CRB1: variants seen among roughly 807,000 people sequenced by gnomAD.
The protein encoded by CRB1 is crumbs cell polarity complex component 1.
A neutral mutation model predicts 120.0 loss-of-function variants in CRB1; 83 were observed. The ratio of observed to expected loss-of-function variants is 0.69; its 90% CI spans 0.58 to 0.83. The LOEUF is 0.83. Ranked by LOEUF, CRB1 falls within the 40% of genes least tolerant of loss-of-function variation. The probability of loss-of-function intolerance (pLI) is 0.00; values close to 1 mark genes in which losing one functional copy is unlikely to be tolerated. For missense variants in CRB1, 1,699 were observed against 1,687.6 expected, an observed-to-expected ratio of 1.01 and a Z score of -0.12; for synonymous variants, 625 against 612.5, an observed-to-expected ratio of 1.02 and a Z score of -0.30.
intron 1 of CRB1, among the ~76,000 whole-genome samples, chr1:197,305,901 T>A (rs1200910818): frequency 8.6e-6 from 1 of 116,450 alleles, no homozygotes; most frequent in South Asian, 3.0e-4. Flanking sequence ...TGAGATCTAA[T>A]TGAAAAAAAA....
intron 5 of CRB1, among the ~76,000 whole-genome samples, chr1:197,415,262 T>G (rs958848409): frequency 5.9e-5 from 9 of 152,212 alleles, no homozygotes; most frequent in African/African-American, 1.9e-4. Flanking sequence ...TGTCAATAGT[T>G]TTAATAGCTG....
the CRB1 span, among the ~76,000 whole-genome samples, chr1:197,248,656 T>C: frequency 6.6e-6 from 1 of 151,986 alleles, no homozygotes; most frequent in Non-Finnish European, 1.5e-5. Context: ...TTAAAATAAA[T>C]GGACAATGAA....
chr1:197,257,097 A>T, the CRB1 span, among the ~76,000 whole-genome samples: 1 of 151,986 alleles, frequency 6.6e-6, no homozygotes. Flanking sequence ...GGAGCTAATG[A>T]TGTAACTCTC....
chr1:197,409,347 G>C (rs561276035), intron 5 of CRB1, among the ~76,000 whole-genome samples: 15 of 152,140 alleles, frequency 9.9e-5, no homozygotes, highest in Admixed American at 2.6e-4. Context: ...TATAATTCTT[G>C]TGGGAAAAAT....
intron 1 of CRB1, among the ~76,000 whole-genome samples, chr1:197,321,911 T>G (rs577933799): frequency 1.3e-5 from 2 of 152,058 alleles, no homozygotes; most frequent in African/African-American, 4.8e-5. Flanking sequence ...GATATTTTTA[T>G]TCATGGCTAC....
intron 1 of CRB1, among the ~76,000 whole-genome samples, chr1:197,314,619 C>T (rs558861410): frequency 2.0e-4 from 30 of 152,188 alleles, no homozygotes; most frequent in Non-Finnish European, 2.8e-4. Flanking sequence ...GAATTTTGTT[C>T]TGGCAGGCAG....
intron 5 of CRB1, chr1:197,413,797 G>C: frequency 2.7e-6 from 1 of 376,632 alleles, no homozygotes; most frequent in Non-Finnish European, 5.4e-6. Flanking sequence ...GGAGGGAAAT[G>C]AGTCAAAACC....
chr1:197,436,221 C>T (rs894761187), intron 9 of CRB1, among the ~76,000 whole-genome samples: 21 of 152,176 alleles, frequency 1.4e-4, no homozygotes, highest in African/African-American at 3.1e-4. Context: ...ATTCTGTCTT[C>T]TTACTATAAA....
the CRB1 span, among the ~76,000 whole-genome samples, chr1:197,248,023 T>G: frequency 6.6e-6 from 1 of 152,018 alleles, no homozygotes; most frequent in Non-Finnish European, 1.5e-5. Context: ...AAAAATATTG[T>G]GAAACTAAAA....
chr1:197,281,695 C>T (rs986028575), intron 1 of CRB1, among the ~76,000 whole-genome samples: 5 of 151,822 alleles, frequency 3.3e-5, no homozygotes, highest in Admixed American at 2.6e-4. Flanking sequence ...TTCAGGGGAA[C>T]ATTAACTTAT....
chr1:197,382,842 G>A (rs930444542), intron 5 of CRB1, among the ~76,000 whole-genome samples: 1 of 152,160 alleles, frequency 6.6e-6, no homozygotes, highest in Non-Finnish European at 1.5e-5. Context: ...ACAGTCTTGG[G>A]AAGGAGAGAG....
intron 5 of CRB1, among the ~76,000 whole-genome samples, chr1:197,394,401 T>A (rs555138312): frequency 7.4e-4 from 112 of 152,200 alleles, no homozygotes; most frequent in Middle Eastern, 6.8e-3. Flanking sequence ...TGTAGGCTAT[T>A]AGTAGTTATG....
intron 5 of CRB1, among the ~76,000 whole-genome samples, chr1:197,360,192 C>T (rs949347946): frequency 2.0e-5 from 3 of 152,192 alleles, no homozygotes; most frequent in Admixed American, 1.3e-4. Flanking sequence ...AGAGATAAAG[C>T]GTCCTCGCAG....
rs139536029 is a variant in CRB1 at position 197,311,064 on chromosome 1, T to C, written c.71-17358T>C. 7.0e-4 allele frequency among the ~76,000 whole-genome samples: 106 copies of C among 152,330 alleles called. No individual in the cohort carries two copies. The East Asian group carries it at 0.019, about 27-fold the overall frequency. On this transcript the variant is annotated intron_variant, in intron 1 of 11. Coordinates refer to ENST00000367400, the MANE Select transcript of CRB1 (RefSeq NM_201253.3). ...GCTAACTTTTAAATTTTAATGGTTT[T>C]ATACTGACACAATTTCAGACTTCTA...
intron 5 of CRB1, among the ~76,000 whole-genome samples, chr1:197,371,067 G>T (rs952119512): frequency 6.6e-6 from 1 of 152,064 alleles, no homozygotes; most frequent in Non-Finnish European, 1.5e-5. Context: ...ATATACTTTA[G>T]AACTTTTTCC....
the CRB1 span, among the ~76,000 whole-genome samples, chr1:197,246,755 CAT>C: frequency 1.3e-5 from 2 of 152,022 alleles, no homozygotes; most frequent in African/African-American, 4.8e-5. Context: ...TTTTAATGCA[CAT>C]AGTTACATTC....
intron 1 of CRB1, among the ~76,000 whole-genome samples, chr1:197,299,041 A>ACTGTAAGTAATG (rs1471621652): frequency 5.9e-5 from 9 of 152,276 alleles, no homozygotes; most frequent in Admixed American, 1.3e-4. Context: ...AGTCAAAAAT[A>ACTGTAAGTAATG]CTGTAAGTAA....
At chr1:197,202,168 A>G in the CRB1 span, among the ~76,000 whole-genome samples, 9 of 152,100 alleles carry the variant, frequency 5.9e-5, no homozygotes, top group African/African-American at 2.2e-4. Context: ...TCCCATACAC[A>G]TACAACCTGA....
intron 1 of CRB1, among the ~76,000 whole-genome samples, chr1:197,296,757 C>T (rs1656545320): frequency 6.6e-6 from 1 of 151,980 alleles, no homozygotes; most frequent in South Asian, 2.1e-4. Context: ...GGCAGTTCCC[C>T]CATACTGTTC....
Sources: allele counts gnomAD v4.1 joint callset (sites outside exome capture counted in the v4.1 genomes callset), GRCh38; gene constraint gnomAD v4.1.1; transcripts MANE v1.5; gene names NCBI Gene and HGNC (gene_info 2026-07-23, HGNC 2026-07-21).